SUPT3H: variants seen among roughly 807,000 people sequenced by gnomAD.
The protein encoded by SUPT3H is transcription initiation protein SPT3 homolog.
In SUPT3H, 44 loss-of-function variants were observed where a neutral mutation model predicts 44.3. The observed-to-expected ratio is 0.99, with a 90% CI of 0.78 to 1.28. The LOEUF is 1.28. SUPT3H is among the 50% of genes most tolerant of loss of function. The pLI is 0.00. For missense variants in SUPT3H, 380 were observed against 387.1 expected, an observed-to-expected ratio of 0.98 and a Z score of 0.15; for synonymous variants, 124 against 125.6, an observed-to-expected ratio of 0.99 and a Z score of 0.09.
chr6:44,853,073 G>C (rs1302219901), intron 10 of SUPT3H, among the ~76,000 whole-genome samples: 1 of 152,170 alleles, frequency 6.6e-6, no homozygotes, highest in African/African-American at 2.4e-5. Flanking sequence ...ATAAGCTTTT[G>C]TTTTTTAATT....
intron 3 of SUPT3H, among the ~76,000 whole-genome samples, chr6:45,058,442 C>A (rs966182654): frequency 5.9e-5 from 9 of 152,076 alleles, no homozygotes; most frequent in Non-Finnish European, 1.3e-4. Context: ...AAGGAATATG[C>A]TATGCATACA....
intron 2 of SUPT3H, among the ~76,000 whole-genome samples, chr6:45,160,974 C>T (rs1456438990): frequency 6.6e-6 from 1 of 152,010 alleles, no homozygotes; most frequent in Non-Finnish European, 1.5e-5. Context: ...GGGGCGGATC[C>T]CTCATGGCTT....
At chr6:44,901,599 GC>G (rs1765069190) in intron 10 of SUPT3H, among the ~76,000 whole-genome samples, 1 of 151,822 alleles carries the variant, frequency 6.6e-6, no homozygotes, top group Non-Finnish European at 1.5e-5. Context: ...AAAACACTCT[GC>G]AGGATATTAT....
chr6:44,886,635 A>G (rs4419668), intron 10 of SUPT3H, among the ~76,000 whole-genome samples: 18,372 of 152,142 alleles, frequency 0.12, 1,457 homozygotes, highest in East Asian at 0.27. Flanking sequence ...CATGGAAAGG[A>G]AAAACTGGTA....
In SUPT3H at chr6:45,079,546, A is replaced by G. The variant is rs77891452; in HGVS notation, c.186+26376T>C. Among the ~76,000 whole-genome samples the G allele has an allele frequency of 3.9e-3, 593 of 152,270 alleles. 7 individuals carry two copies. The highest frequency in any genetic ancestry group is 0.014 in the African/African-American group (565 of 41,548). On this transcript the variant is annotated intron_variant, in intron 3 of 10. Coordinates refer to ENST00000371459, the MANE Select transcript of SUPT3H (RefSeq NM_003599.4). Reference sequence around the variant, plus strand: ...GAAGAACCATGTTACCTCACTTCAAATAATATTACTGGGCTATAGTAACCA... The same window carrying G: ...GAAGAACCATGTTACCTCACTTCAAGTAATATTACTGGGCTATAGTAACCA...
chr6:44,899,540 AG>A (rs1254962059), intron 10 of SUPT3H, among the ~76,000 whole-genome samples: 1 of 152,038 alleles, frequency 6.6e-6, no homozygotes, highest in African/African-American at 2.4e-5. Flanking sequence ...ACAAAAAATT[AG>A]CCAGGTGTGG....
intron 2 of SUPT3H, among the ~76,000 whole-genome samples, chr6:45,348,427 G>A (rs1791333890): frequency 1.3e-5 from 2 of 150,706 alleles, no homozygotes; most frequent in Admixed American, 6.7e-5. Flanking sequence ...AGCACTTTGG[G>A]AGGCCGAGGT....
At chr6:45,141,391 A>C (rs193064993) in intron 2 of SUPT3H, among the ~76,000 whole-genome samples, 132 of 150,810 alleles carry the variant, frequency 8.8e-4, no homozygotes, top group Non-Finnish European at 1.5e-3. Context: ...TTGATTATTA[A>C]GCTACTCAAG....
chr6:44,908,337 G>A (rs950530101), intron 10 of SUPT3H, among the ~76,000 whole-genome samples: 1 of 151,882 alleles, frequency 6.6e-6, no homozygotes, highest in Admixed American at 6.6e-5. Flanking sequence ...AATTTTAGTA[G>A]AGACGGGGTT....
chr6:45,043,605 G>A (rs2153531463), intron 3 of SUPT3H, among the ~76,000 whole-genome samples: 1 of 152,182 alleles, frequency 6.6e-6, no homozygotes. Flanking sequence ...AATTGGAAAT[G>A]AAGAACAAAA....
intron 6 of SUPT3H, among the ~76,000 whole-genome samples, chr6:44,979,543 G>C (rs6926370): frequency 0.6 from 91,394 of 151,554 alleles, 28,395 homozygotes; most frequent in African/African-American, 0.77. Context: ...AAGTGTGTGT[G>C]GGGGGGGGAA....
At chr6:44,868,521 G>A (rs895996984) in intron 10 of SUPT3H, among the ~76,000 whole-genome samples, 1 of 151,704 alleles carries the variant, frequency 6.6e-6, no homozygotes, top group African/African-American at 2.4e-5. Context: ...GGCTTTCTCT[G>A]CTTAGGTCCT....
Position 45,003,734 on chromosome 6 carries a change from G to C in SUPT3H, c.423C>G (p.Leu141=). 1 of 1,613,844 alleles carries C rather than the reference G, an allele frequency of 6.2e-7. No homozygotes were observed. Among genetic ancestry groups the C allele is most frequent in the Non-Finnish European group, 8.5e-7 (1 of 1,179,832 alleles). ...NKRQKIAQDF[L]NSIDQTGELL... ...GTTCTCCTGTCTGGTCAATAGAGTT[G>C]AGGAAGTCCTGAGCAATCTTTTGTC... The change falls in exon 6 of 11, where the codon CTC becomes CTG. Residue 141 remains leucine (L), a synonymous_variant. Transcript: ENST00000371459.
rs1272282597 is a variant in SUPT3H at position 45,067,444 on chromosome 6, A to G, written c.186+38478T>C. Among the ~76,000 whole-genome samples the G allele has an allele frequency of 2.2e-5, 3 of 135,194 alleles. 1 individual carries two copies. Among genetic ancestry groups the G allele is most frequent in the African/African-American group, 7.6e-5 (3 of 39,346 alleles). The allele number at this position is 135,194 out of a possible 152,430, so 88.7% of individuals were successfully genotyped here. On this transcript the variant is annotated intron_variant, in intron 3 of 10. Coordinates refer to ENST00000371459, the MANE Select transcript of SUPT3H (RefSeq NM_003599.4). ...CAAAACACCAAAAGCAAAGGCAACA[A>G]AAGCCAAAATTGACAACTGGGATCT...
intron 10 of SUPT3H, among the ~76,000 whole-genome samples, chr6:44,909,600 C>T (rs77742666): frequency 0.019 from 2,873 of 152,212 alleles, 85 homozygotes; most frequent in African/African-American, 0.064. Flanking sequence ...TTCCTATGTA[C>T]GAAGACTGTT....
intron 6 of SUPT3H, among the ~76,000 whole-genome samples, chr6:44,982,631 G>T (rs1779256272): frequency 6.6e-6 from 1 of 152,156 alleles, no homozygotes; most frequent in Non-Finnish European, 1.5e-5. Context: ...TTGTATCAAA[G>T]ATACAGCTAT....
Position 45,142,592 on chromosome 6 carries a change from C to T in SUPT3H, c.102-36586G>A, listed in dbSNP as rs141000690. 5.3e-3 allele frequency among the ~76,000 whole-genome samples: 809 copies of T among 151,566 alleles called. 9 individuals carry two copies. Among genetic ancestry groups the T allele is most frequent in the African/African-American group, 0.018 (747 of 41,320 alleles). The stretch of plus-strand genomic sequence containing the variant: ...TCTCTACTAAAAATACAAAATTAGT[C>T]GGGTGTGGTGGTGCATGCCTGTAAT... On this transcript the variant is annotated intron_variant, in intron 2 of 10. Transcript: ENST00000371459.
At chr6:45,329,103 CAGA>C (rs1425694199) in intron 2 of SUPT3H, among the ~76,000 whole-genome samples, 1 of 151,792 alleles carries the variant, frequency 6.6e-6, no homozygotes, top group Non-Finnish European at 1.5e-5. Context: ...TAACCCTCAC[CAGA>C]AGAAAAGTCA....
intron 3 of SUPT3H, among the ~76,000 whole-genome samples, chr6:45,091,879 G>A (rs1288216878): frequency 2.6e-5 from 4 of 151,602 alleles, no homozygotes; most frequent in Non-Finnish European, 1.5e-5. Flanking sequence ...AAAATTTTTG[G>A]TCATTTTACA....
Sources: gnomAD v4.1 joint callset for allele counts (sites outside exome capture counted in the v4.1 genomes callset) on GRCh38, gnomAD v4.1.1 for gene constraint, MANE v1.5 for transcripts, NCBI Gene and HGNC (gene_info 2026-07-23, HGNC 2026-07-21) for gene names.